Variants in STRN observed in about 807,000 individuals in gnomAD.
The protein encoded by STRN is striatin, also known as protein phosphatase 2 regulatory subunit B'''alpha.
Under a neutral mutation model 96.3 loss-of-function variants are expected in STRN, and 53 were observed. The observed-to-expected ratio is 0.55, with a 90% CI of 0.44 to 0.69. STRN has a LOEUF of 0.69. STRN is among the 30% of genes least tolerant of loss of function. The pLI is 0.00. For missense variants in STRN, 987 were observed against 963.9 expected (o/e 1.02, Z -0.32); for synonymous variants, 428 against 355.9 (o/e 1.20, Z -2.28).
Position 36,902,751 on chromosome 2 carries a change from C to A in STRN, c.492G>T (p.Gln164His). 6.3e-7 allele frequency: 1 copy of A among 1,598,674 alleles called. No homozygotes were observed. Among genetic ancestry groups the A allele is most frequent in the Non-Finnish European group, 8.5e-7 (1 of 1,171,308 alleles). Reference protein sequence around the residue: ...MWKQGRQLLRQYLQEVGYTDT... With the variant: ...MWKQGRQLLRHYLQEVGYTDT... ...CTGTATAACCCACCTCCTGTAGATA[C>A]CTGTGTGAAGAGAATCCTTAGAGTT... The change falls in exon 5 of 18, where the codon CAG becomes CAT. Residue 164 changes from glutamine to histidine, a missense_variant and splice_region_variant. By Grantham distance (24) the Gln-to-His change is conservative. Transcript: ENST00000263918.
chr2:36,878,231 C>T (rs576426465), intron 9 of STRN, among the ~76,000 whole-genome samples: 1 of 152,266 alleles, frequency 6.6e-6, no homozygotes, highest in African/African-American at 2.4e-5. Flanking sequence ...AAGGCATCAA[C>T]TAATTAGAAA....
rs187021354 is a variant in STRN at position 36,943,880 on chromosome 2, G to A, written c.235-18672C>T. On this transcript the variant is annotated intron_variant, in intron 1 of 17. Coordinates refer to ENST00000263918, the MANE Select transcript of STRN (RefSeq NM_003162.4). ...ACCTATAATCCTAGCACTTTAAGAG[G>A]CAGAGGTGGGTGGATCACCTGAGGT... 2.0e-5 allele frequency among the ~76,000 whole-genome samples: 3 copies of A among 152,280 alleles called. No homozygotes were observed. In the East Asian group the frequency reaches 5.8e-4, roughly 29 times the overall value.
intron 1 of STRN, among the ~76,000 whole-genome samples, chr2:36,927,963 C>A (rs955049130): frequency 6.6e-6 from 1 of 151,968 alleles, no homozygotes; most frequent in African/African-American, 2.4e-5. Context: ...ACCCAAATGA[C>A]CACCTAAAGG....
Position 36,846,027 on chromosome 2 carries a change from G to A in STRN, c.*3429C>T, listed in dbSNP as rs1454412198. On this transcript the variant is annotated 3_prime_UTR_variant, in exon 18 of 18. Coordinates refer to ENST00000263918, the MANE Select transcript of STRN (RefSeq NM_003162.4). ...CAATCTTCATCCTCACTGTAAGGCT[G>A]CATTTTTTTTTTTAAAGGCACCTCT... 5.3e-5 allele frequency: 1 copy of A among 18,864 alleles called. No homozygotes were observed. Among genetic ancestry groups the A allele is most frequent in the Non-Finnish European group, 2.7e-4 (1 of 3,734 alleles). The allele number at this position is 18,864 out of a possible 1,614,324, so 1.2% of individuals were successfully genotyped here.
intron 12 of STRN, among the ~76,000 whole-genome samples, chr2:36,862,512 C>T (rs1668514825): frequency 1.3e-5 from 2 of 152,144 alleles, no homozygotes; most frequent in Non-Finnish European, 2.9e-5. Flanking sequence ...TGTTGTTGAG[C>T]ATTTTTTCCT....
chr2:36,849,302 T>C lies in STRN; in HGVS notation c.*154A>G, dbSNP rs143619981. ...CAAACCTTAGTTTTAGAAAACAGTATATGAATTGCAAAACTATACTTCAAC... is the reference window on the plus strand; with the variant it reads ...CAAACCTTAGTTTTAGAAAACAGTACATGAATTGCAAAACTATACTTCAAC... On this transcript the variant is annotated 3_prime_UTR_variant, in exon 18 of 18. Transcript: ENST00000263918. 2,684 of 867,636 alleles carry C rather than the reference T, an allele frequency of 3.1e-3. 8 individuals carry two copies. The highest frequency in any genetic ancestry group is 3.3e-3 in the Non-Finnish European group (1,943 of 580,670). 53.7% of individuals were successfully genotyped at this position (867,636 alleles called of 1,614,324 possible).
At chr2:36,934,752 T>C (rs1558659707) in intron 1 of STRN, among the ~76,000 whole-genome samples, 1 of 152,274 alleles carries the variant, frequency 6.6e-6, no homozygotes, top group East Asian at 1.9e-4. Flanking sequence ...GTCTTCCACA[T>C]TCCTACTCAC....
chr2:36,926,726 G>A (rs561158960), intron 1 of STRN, among the ~76,000 whole-genome samples: 59 of 152,188 alleles, frequency 3.9e-4, no homozygotes, highest in African/African-American at 1.4e-3. Context: ...TTAAAGGAAG[G>A]ATTACATTTA....
At chr2:36,948,544 G>C (rs570523405) in intron 1 of STRN, among the ~76,000 whole-genome samples, 3 of 152,168 alleles carry the variant, frequency 2.0e-5, no homozygotes, top group Non-Finnish European at 4.4e-5. Context: ...CATATACCGT[G>C]ATAGGTGTTG....
At chr2:36,940,815 C>CA (rs1670826362) in intron 1 of STRN, among the ~76,000 whole-genome samples, 1 of 128,010 alleles carries the variant, frequency 7.8e-6, no homozygotes, top group Admixed American at 9.8e-5. Flanking sequence ...GCAGCCTGGG[C>CA]GACTGGGCAA....
chr2:36,929,293 T>A (rs1361776111), intron 1 of STRN, among the ~76,000 whole-genome samples: 3 of 152,174 alleles, frequency 2.0e-5, no homozygotes, highest in Non-Finnish European at 4.4e-5. Context: ...GGAATATAGA[T>A]CTTCTATAAA....
rs534109610 is a variant in STRN at position 36,882,129 on chromosome 2, G to A, written c.1186+1803C>T. ...TTCACTGAAGAAGTATTCCAATCGT[G>A]AAAATCTAGATACATCTAAATCATA... On this transcript the variant is annotated intron_variant, in intron 9 of 17. Transcript: ENST00000263918. Among the ~76,000 whole-genome samples, 66 of 151,854 alleles carry A rather than the reference G, an allele frequency of 4.3e-4. No homozygotes were observed. The South Asian group carries it at 0.013, about 30-fold the overall frequency.
rs370189487 is a variant in STRN, at chr2:36,867,895, G to A, written c.1500-34C>T. The A allele has an allele frequency of 2.6e-6, 4 of 1,521,736 alleles. No homozygotes were observed. The African/African-American group carries it at 4.2e-5, about 16-fold the overall frequency. 94.3% of individuals were successfully genotyped at this position (1,521,736 alleles called of 1,614,324 possible). The stretch of plus-strand genomic sequence containing the variant: ...GAGAGAGATGACTTTACCATTCTAA[G>A]TGTCAGTAAACAGTATAATTAAACA... On this transcript the variant is annotated intron_variant, in intron 11 of 17. Coordinates refer to ENST00000263918, the MANE Select transcript of STRN (RefSeq NM_003162.4).
intron 1 of STRN, among the ~76,000 whole-genome samples, chr2:36,949,216 T>A (rs571949393): frequency 6.6e-6 from 1 of 152,334 alleles, no homozygotes; most frequent in South Asian, 2.1e-4. Flanking sequence ...ATAGCCTAGG[T>A]ATGTAGCAGG....
intron 1 of STRN, among the ~76,000 whole-genome samples, chr2:36,938,428 T>C (rs1242761332): frequency 1.4e-5 from 2 of 146,756 alleles, no homozygotes; most frequent in Non-Finnish European, 3.0e-5. Context: ...TCTGTCTCAA[T>C]TAAAAAAAAA....
At chr2:36,898,622 G>C (rs1176055324) in intron 6 of STRN, among the ~76,000 whole-genome samples, 1 of 152,146 alleles carries the variant, frequency 6.6e-6, no homozygotes, top group Non-Finnish European at 1.5e-5. Flanking sequence ...GGTTAAGATG[G>C]CTATTTATAA....
At chr2:36,915,230 TAA>T (rs1491546319) in intron 3 of STRN, among the ~76,000 whole-genome samples, 22 of 71,856 alleles carry the variant, frequency 3.1e-4, no homozygotes, top group African/African-American at 1.4e-3. Context: ...ACTGAATACA[TAA>T]ATATATATAT....
intron 12 of STRN, among the ~76,000 whole-genome samples, chr2:36,864,828 T>A (rs1668581154): frequency 6.6e-6 from 1 of 152,216 alleles, no homozygotes; most frequent in African/African-American, 2.4e-5. Flanking sequence ...TTCTCCTGCC[T>A]CAGCCTCCCA....
intron 1 of STRN, among the ~76,000 whole-genome samples, chr2:36,928,374 G>A (rs1670473036): frequency 2.0e-5 from 3 of 152,096 alleles, no homozygotes; most frequent in Admixed American, 1.3e-4. Context: ...AAAATAGGTC[G>A]GACACAGTGG....
Sources: allele counts gnomAD v4.1 joint callset (sites outside exome capture counted in the v4.1 genomes callset), GRCh38; gene constraint gnomAD v4.1.1; transcripts MANE v1.5; gene names NCBI Gene and HGNC (gene_info 2026-07-23, HGNC 2026-07-21).